Variants in NFIB observed in about 807,000 individuals in gnomAD.
NFIB encodes nuclear factor 1 B-type.
A neutral mutation model predicts 61.5 loss-of-function variants in NFIB; 11 were observed. The ratio of observed to expected loss-of-function variants is 0.18; its 90% CI spans 0.11 to 0.30. The LOEUF (loss-of-function observed/expected upper bound fraction) is 0.30, where lower values mean the gene tolerates loss of function less well. Among genes scored for constraint, NFIB ranks in the 10% least tolerant of loss-of-function variants. The probability of loss-of-function intolerance (pLI) is 1.00; values close to 1 mark genes in which losing one functional copy is unlikely to be tolerated. For missense variants in NFIB, 471 were observed against 608.9 expected (o/e 0.77, Z 2.38); for synonymous variants, 260 against 216.5 (o/e 1.20, Z -1.76).
the NFIB span, among the ~76,000 whole-genome samples, chr9:14,521,667 G>C: frequency 6.6e-6 from 1 of 152,174 alleles, no homozygotes; most frequent in Non-Finnish European, 1.5e-5. Flanking sequence ...AATTTGTTCA[G>C]TTAATGGAAT....
chr9:14,218,204 C>T (rs2051180466), intron 2 of NFIB, among the ~76,000 whole-genome samples: 1 of 152,150 alleles, frequency 6.6e-6, no homozygotes, highest in African/African-American at 2.4e-5. Context: ...GCCAGTTGTA[C>T]AGGAAATAGG....
At chr9:14,279,065 G>C (rs1304017201) in intron 2 of NFIB, among the ~76,000 whole-genome samples, 3 of 152,004 alleles carry the variant, frequency 2.0e-5, no homozygotes, top group South Asian at 2.1e-4. Flanking sequence ...TACACACACA[G>C]AGAGAGAGAC....
intron 6 of NFIB, among the ~76,000 whole-genome samples, chr9:14,141,019 C>G (rs1336379408): frequency 6.6e-6 from 1 of 152,176 alleles, no homozygotes; most frequent in African/African-American, 2.4e-5. Flanking sequence ...GCACATAATA[C>G]TAAACTGGCA....
chr9:14,204,698 G>C, intron 2 of NFIB: 1 of 614,528 alleles, frequency 1.6e-6, no homozygotes, highest in Non-Finnish European at 2.9e-6. Flanking sequence ...GAATAAGAAA[G>C]CTCAGTTGGT....
the NFIB span, among the ~76,000 whole-genome samples, chr9:14,426,676 G>A: frequency 2.0e-5 from 3 of 152,084 alleles, no homozygotes; most frequent in Non-Finnish European, 4.4e-5. Context: ...CATTCCTCTA[G>A]CTGAACATGC....
Position 14,083,178 on chromosome 9 carries a change from C to G in NFIB, c.*5131G>C. ...AAAAATTGACCGTCTCCAACTTGTC[C>G]CCTTTACTATTAACAATGTGACCAA... On this transcript the variant is annotated 3_prime_UTR_variant, in exon 11 of 11. Coordinates refer to ENST00000380953, the MANE Select transcript of NFIB (RefSeq NM_001190737.2). 4.5e-6 allele frequency: 1 copy of G among 220,976 alleles called. No individual in the cohort carries two copies. Among genetic ancestry groups the G allele is most frequent in the Non-Finnish European group, 9.1e-6 (1 of 110,388 alleles). 13.7% of individuals were successfully genotyped at this position (220,976 alleles called of 1,614,324 possible).
the NFIB span, among the ~76,000 whole-genome samples, chr9:14,491,172 T>C: frequency 1.4e-4 from 22 of 152,336 alleles, no homozygotes; most frequent in East Asian, 4.2e-3. Flanking sequence ...CTATAGTTTT[T>C]ATCTCTGTGG....
the NFIB span, among the ~76,000 whole-genome samples, chr9:14,469,231 TCA>T: frequency 1.3e-5 from 2 of 152,288 alleles, no homozygotes; most frequent in South Asian, 2.1e-4. Flanking sequence ...CCTGTAAGAC[TCA>T]GTTTTATCAT....
intron 2 of NFIB, among the ~76,000 whole-genome samples, chr9:14,207,062 T>C (rs548297671): frequency 5.5e-4 from 84 of 152,358 alleles, no homozygotes; most frequent in African/African-American, 1.9e-3. Flanking sequence ...AGTATTTGTT[T>C]ACATGTCCAA....
At chr9:14,476,314 T>C in the NFIB span, among the ~76,000 whole-genome samples, 131 of 150,946 alleles carry the variant, frequency 8.7e-4, no homozygotes, top group Non-Finnish European at 1.5e-3. Flanking sequence ...TCTAAAAAAA[T>C]GTAAAAACAG....
chr9:14,181,619 C>G (rs1386610320), intron 2 of NFIB, among the ~76,000 whole-genome samples: 2 of 152,322 alleles, frequency 1.3e-5, no homozygotes, highest in East Asian at 3.9e-4. Flanking sequence ...TTTGCTATAG[C>G]ATCAGCTATT....
intron 2 of NFIB, among the ~76,000 whole-genome samples, chr9:14,190,836 A>C (rs1587464445): frequency 6.6e-6 from 1 of 152,230 alleles, no homozygotes. Context: ...AGAGACATGA[A>C]GATGGGGCAT....
At chr9:14,276,383 G>T (rs1009923574) in intron 2 of NFIB, among the ~76,000 whole-genome samples, 1 of 152,080 alleles carries the variant, frequency 6.6e-6, no homozygotes, top group African/African-American at 2.4e-5. Flanking sequence ...ACAAGTATGA[G>T]GTATAACTTA....
intron 2 of NFIB, among the ~76,000 whole-genome samples, chr9:14,265,648 A>G (rs1408749692): frequency 1.3e-5 from 2 of 152,204 alleles, no homozygotes; most frequent in African/African-American, 4.8e-5. Flanking sequence ...ATGAACACCA[A>G]TATGTTGACC....
the NFIB span, among the ~76,000 whole-genome samples, chr9:14,489,353 A>G: frequency 2.0e-5 from 3 of 152,146 alleles, no homozygotes; most frequent in African/African-American, 7.2e-5. Context: ...CAGCAAGAAG[A>G]TATTTTTCTT....
intron 3 of NFIB, among the ~76,000 whole-genome samples, chr9:14,177,130 G>C (rs1485427935): frequency 6.6e-6 from 1 of 152,142 alleles, no homozygotes; most frequent in Non-Finnish European, 1.5e-5. Context: ...ATTGCTTGTG[G>C]TGGTAGACTG....
chr9:14,131,937 A>G (rs2040452845), intron 6 of NFIB, among the ~76,000 whole-genome samples: 1 of 152,168 alleles, frequency 6.6e-6, no homozygotes, highest in African/African-American at 2.4e-5. Flanking sequence ...CCTTTTTCAC[A>G]TATAGTAGAG....
At chr9:14,344,669 G>C (rs2060998011) in intron 1 of NFIB, among the ~76,000 whole-genome samples, 2 of 152,040 alleles carry the variant, frequency 1.3e-5, no homozygotes, top group South Asian at 4.1e-4. Context: ...ACTGTTTTGT[G>C]TGTGATTAAC....
At chr9:14,109,914 C>T (rs1057302323) in intron 10 of NFIB, among the ~76,000 whole-genome samples, 1 of 151,968 alleles carries the variant, frequency 6.6e-6, no homozygotes, top group African/African-American at 2.4e-5. Flanking sequence ...CAGTTAGCAA[C>T]CAATGCCATC....
Sources: allele counts gnomAD v4.1 joint callset (sites outside exome capture counted in the v4.1 genomes callset), GRCh38; gene constraint gnomAD v4.1.1; transcripts MANE v1.5; gene names NCBI Gene and HGNC (gene_info 2026-07-23, HGNC 2026-07-21).